WNK2: variants seen among roughly 807,000 people sequenced by gnomAD.
WNK2 encodes WNK lysine deficient protein kinase 2, also known as serine/threonine-protein kinase WNK2.
WNK2 carries 67 observed loss-of-function variants against 192.1 expected under a neutral mutation model. The observed-to-expected ratio is 0.35, with a 90% CI of 0.29 to 0.43. WNK2 has a LOEUF of 0.43. WNK2 is among the 20% of genes least tolerant of loss of function. The pLI is 1.00. For missense variants in WNK2, 2,698 were observed against 3,089.7 expected, an observed-to-expected ratio of 0.87 and a Z score of 3.01; for synonymous variants, 1,439 against 1,393.9, an observed-to-expected ratio of 1.03 and a Z score of -0.72.
At chr9:93,188,514 T>A (rs1829751586) in intron 2 of WNK2, among the ~76,000 whole-genome samples, 1 of 152,214 alleles carries the variant, frequency 6.6e-6, no homozygotes, top group African/African-American at 2.4e-5. Context: ...GAAGCCATTT[T>A]AAAATACCTC....
chr9:93,225,836 A>C (rs959379989), intron 2 of WNK2, among the ~76,000 whole-genome samples: 1 of 152,190 alleles, frequency 6.6e-6, no homozygotes, highest in Non-Finnish European at 1.5e-5. Flanking sequence ...CTAGCTGAGC[A>C]CTGCCATCTC....
rs570532133 is a variant in WNK2, at chr9:93,220,894, T to TC, written c.682-8797dup. Among the ~76,000 whole-genome samples the TC allele has an allele frequency of 6.4e-3, 973 of 152,222 alleles. 8 individuals carry two copies. The highest frequency in any genetic ancestry group is 0.01 in the Non-Finnish European group (700 of 67,962). On this transcript the variant is annotated intron_variant, in intron 2 of 29. Transcript: ENST00000427277. Reference sequence around the variant, plus strand: ...TCAGGGGTGCCTGACCCAGCCTGGGTCCCCCTTTGGTCCTCTTCTTTATCT... The same window carrying TC: ...TCAGGGGTGCCTGACCCAGCCTGGGTCCCCCCTTTGGTCCTCTTCTTTATCT...
chr9:93,320,240 G>A (rs563659265), intron 29 of WNK2, 127 bp from the exon 30 acceptor site: 401 of 1,044,252 alleles, frequency 3.8e-4, no homozygotes, highest in Non-Finnish European at 4.5e-4. Flanking sequence ...TACACAGGGC[G>A]TGGGTCATGG....
At chr9:93,235,678 G>A (rs571443130) in intron 5 of WNK2, among the ~76,000 whole-genome samples, 4 of 152,310 alleles carry the variant, frequency 2.6e-5, no homozygotes, top group African/African-American at 9.6e-5. Flanking sequence ...GAAGCCCAGG[G>A]GCCTGCAGAG....
rs1843767333 is a variant in WNK2, at chr9:93,259,099, T to C, written c.2551T>C (p.Ser851Pro). 1 of 1,610,688 alleles carries C rather than the reference T, an allele frequency of 6.2e-7. No individual in the cohort carries two copies. The highest frequency in any genetic ancestry group is 1.3e-5 in the African/African-American group (1 of 74,232). The stretch of plus-strand genomic sequence containing the variant: ...CCTCGCTGCCCCACTCCCCCCTGCG[T>C]CCCCAGCCTTGCCTCTGCAGGCTGT... ...PSLAAPLPPASPALPLQAVKL... is the reference protein window; with the variant it reads ...PSLAAPLPPAPPALPLQAVKL... Residue 851 changes from serine (S) to proline (P), a missense_variant, in exon 12 of 30, where the codon TCC becomes CCC. By Grantham distance (74) the Ser-to-Pro change is moderately conservative (BLOSUM62 -1). Coordinates refer to ENST00000427277, the MANE Select transcript of WNK2 (RefSeq NM_006648.4). The surrounding 1 kb of genome is among the most constrained non-coding windows in gnomAD (Gnocchi z 4.8).
intron 2 of WNK2, among the ~76,000 whole-genome samples, chr9:93,220,036 G>A (rs972490917): frequency 6.6e-6 from 1 of 152,240 alleles, no homozygotes; most frequent in Non-Finnish European, 1.5e-5. Context: ...CTGGCTGCAG[G>A]GTTGTTGGGG....
chr9:93,318,582 A>G (rs1473990992), intron 29 of WNK2: 1 of 1,610,212 alleles, frequency 6.2e-7, no homozygotes, highest in South Asian at 1.1e-5. Flanking sequence ...TGTTGGGCAT[A>G]GAAACCCTGG....
chr9:93,211,913 C>T (rs967161527), intron 2 of WNK2, among the ~76,000 whole-genome samples: 9 of 150,722 alleles, frequency 6.0e-5, no homozygotes, highest in African/African-American at 2.2e-4. Flanking sequence ...CTCCCATCCA[C>T]TCACTCACTC....
At position 93,288,955 on chromosome 9, in the gene WNK2, C is replaced by A. The variant is rs539257984; in HGVS notation, c.4201C>A (p.Pro1401Thr). Residue 1401 changes from proline to threonine, a missense_variant, in exon 20 of 30, where the codon CCA (proline) becomes ACA (threonine). Around this residue, in one of 7 missense-constraint regions of WNK2, gnomAD observed 1,098 missense variants for 1,101.0 expected, o/e 1.00. Transcript: ENST00000427277. ...VTALPQDGAA[P>T]ATSTMPEPAS... is the part of the protein sequence containing the mutation. ...TGCTCTGCCCCAAGATGGAGCAGCTCCAGCCACCAGCACCATGCCAGAGCC... is the reference window on the plus strand; with the variant it reads ...TGCTCTGCCCCAAGATGGAGCAGCTACAGCCACCAGCACCATGCCAGAGCC... 2.5e-6 allele frequency: 4 copies of A among 1,605,130 alleles called. No homozygotes were observed. The African/African-American group carries it at 5.3e-5, about 21-fold the overall frequency.
chr9:93,298,930 TG>T, intron 24 of WNK2, 139 bp from the exon 25 acceptor site: 1 of 825,878 alleles, frequency 1.2e-6, no homozygotes, highest in Non-Finnish European at 1.8e-6. Flanking sequence ...GTGGGAGATG[TG>T]GCCATGTGCC....
intron 27 of WNK2, chr9:93,308,110 T>TGG (rs1477388262): frequency 1.1e-6 from 1 of 919,054 alleles, no homozygotes; most frequent in African/African-American, 1.7e-5. Flanking sequence ...GCTTCTGAGG[T>TGG]GGGTGATGGC....
Position 93,317,555 on chromosome 9 carries a change from T to G in WNK2, c.6552T>G (p.Arg2184=). Residue 2184 remains arginine, a synonymous_variant, in exon 29 of 30, where the codon CGT becomes CGG. Transcript: ENST00000427277. ...CTCGAGCAGGAGTGGGGATGCCACG[T>G]CTGCCCCCAGCGCCCGGCCCTCTGT... ...TAPRAGVGMP[R]LPPAPGPLST... The G allele has an allele frequency of 6.2e-7, 1 of 1,613,654 alleles. No homozygotes were observed. The highest frequency in any genetic ancestry group is 1.1e-5 in the South Asian group (1 of 91,076).
At position 93,299,149 on chromosome 9, in the gene WNK2, G is replaced by C. The variant is rs770171047; in HGVS notation, c.6003G>C (p.Thr2001=). 1.2e-6 allele frequency: 2 copies of C among 1,611,648 alleles called. No individual in the cohort carries two copies. Among genetic ancestry groups the C allele is most frequent in the East Asian group, 4.5e-5 (2 of 44,836 alleles). ...QASVGLTADS[T]GLSGKAVQTQ... The stretch of plus-strand genomic sequence containing the variant: ...GTGTGGGGCTCACTGCAGACAGCAC[G>C]GGCCTGAGCGGGAAGGCAGTGCAGA... The change falls in exon 25 of 30, where the codon ACG becomes ACC. Residue 2001 remains threonine, a synonymous_variant. Transcript: ENST00000427277.
intron 9 of WNK2, among the ~76,000 whole-genome samples, chr9:93,254,015 C>T (rs1283789269): frequency 6.6e-6 from 1 of 152,142 alleles, no homozygotes; most frequent in Non-Finnish European, 1.5e-5. Flanking sequence ...CTCCTGGGTT[C>T]AAGCGACTCC....
chr9:93,197,438 T>G (rs1348257845), intron 2 of WNK2, among the ~76,000 whole-genome samples: 2 of 152,200 alleles, frequency 1.3e-5, no homozygotes, highest in African/African-American at 4.8e-5. Flanking sequence ...CCCTCTGCCT[T>G]TTATTATTAC....
At chr9:93,256,025 A>G (rs1311599228) in intron 9 of WNK2, among the ~76,000 whole-genome samples, 1 of 152,196 alleles carries the variant, frequency 6.6e-6, no homozygotes, top group Non-Finnish European at 1.5e-5. Flanking sequence ...ATGGTTCTGC[A>G]GAGCCTCTGT....
chr9:93,185,752 G>T, intron 2 of WNK2, 142 bp downstream of exon 2: 1 of 1,026,372 alleles, frequency 9.7e-7, no homozygotes, highest in Non-Finnish European at 1.4e-6. Context: ...TGTGTGGATG[G>T]CTGGCAGGAT....
intron 28 of WNK2, among the ~76,000 whole-genome samples, chr9:93,309,664 A>G (rs568529332): frequency 6.6e-6 from 1 of 152,170 alleles, no homozygotes; most frequent in African/African-American, 2.4e-5. Flanking sequence ...TGTACATTTT[A>G]TTAGCCTATT....
At chr9:93,225,210 G>A (rs1230082018) in intron 2 of WNK2, among the ~76,000 whole-genome samples, 1 of 152,100 alleles carries the variant, frequency 6.6e-6, no homozygotes, top group Non-Finnish European at 1.5e-5. Context: ...GATCAGCCTG[G>A]GCAACATGGT....
Sources: gnomAD v4.1 joint callset for allele counts (sites outside exome capture counted in the v4.1 genomes callset) on GRCh38, gnomAD v4.1.1 for gene constraint, gnomAD v4.1.1 regional missense constraint, Gnocchi (gnomAD v3.1) non-coding constraint, MANE v1.5 for transcripts, NCBI Gene and HGNC (gene_info 2026-07-23, HGNC 2026-07-21) for gene names.